The following CAGE1 variants were observed in gnomAD, a reference collection of about 807,000 sequenced individuals.
CAGE1 encodes the protein cancer antigen 1, also known as cancer-associated gene 1 protein.
Under a neutral mutation model 94.9 loss-of-function variants are expected in CAGE1, and 66 were observed. The observed-to-expected ratio is 0.70, with a 90% CI of 0.57 to 0.85. CAGE1 has a LOEUF of 0.85. Among genes scored for constraint, CAGE1 ranks in the 40% least tolerant of loss-of-function variants. The pLI is 0.00. For missense variants in CAGE1, 865 were observed against 950.4 expected (o/e 0.91, Z 1.18); for synonymous variants, 319 against 321.0 (o/e 0.99, Z 0.07).
chr6:7,341,885 C>CACT (rs1759191493), intron 11 of CAGE1: 2 of 688,458 alleles, frequency 2.9e-6, no homozygotes, highest in Non-Finnish European at 5.5e-6. Flanking sequence ...AACGGGTGCC[C>CACT]TCTCCAATCA....
At chr6:7,347,427 G>A (rs1166732084) in intron 11 of CAGE1, 2 of 150,130 alleles carry the variant, frequency 1.3e-5, no homozygotes, top group African/African-American at 4.9e-5. Context: ...AGGAAGCAGC[G>A]GGAAAGGCCC....
chr6:7,329,863 TC>T lies in CAGE1; in HGVS notation c.2463del (p.Lys822SerfsTer3). The T allele has an allele frequency of 6.8e-7, 1 of 1,460,288 alleles. No individual in the cohort carries two copies. The highest frequency in any genetic ancestry group is 9.5e-7 in the Non-Finnish European group (1 of 1,052,446). 90.5% of individuals were successfully genotyped at this position (1,460,288 alleles called of 1,614,324 possible). On this transcript the variant is annotated frameshift_variant, in exon 13 of 14. Transcript: ENST00000502583. LOFTEE classifies it high-confidence loss of function. ...KPRSKSLENHPKSMTMMPALF... is the reference protein window; with the variant it reads ...KPRSKSLENHXKSMTMMPALF... ...AGGTGACCTACCATGGTCATGGACT[TC>T]GGATGATTTTCTAAGCTTTTTGATC...
At chr6:7,334,116 A>T in intron 11 of CAGE1, 26 bp from the exon 12 acceptor site, 1 of 1,411,446 alleles carries the variant, frequency 7.1e-7, no homozygotes. Context: ...ATTGAATTTT[A>T]TGACTAAAAT....
At chr6:7,361,369 A>C (rs1433346785) in intron 9 of CAGE1, among the ~76,000 whole-genome samples, 4 of 152,230 alleles carry the variant, frequency 2.6e-5, no homozygotes, top group Admixed American at 2.0e-4. Context: ...CTTTCACATC[A>C]TGAACATGAT....
In CAGE1 at chr6:7,373,136, A is replaced by G. The variant is rs1448920106; in HGVS notation, c.1683T>C (p.Pro561=). Residue 561 remains proline, a synonymous_variant, in exon 5 of 14, where the codon CCT becomes CCC. Transcript: ENST00000502583. ...VARSEEQNYV[P]KFETAQLKDQ... ...CCTTTAACTGAGCTGTCTCAAATTTAGGGACATAATTTTGCTCTTCACTCC... is the reference window on the plus strand; with the variant it reads ...CCTTTAACTGAGCTGTCTCAAATTTGGGGACATAATTTTGCTCTTCACTCC... The G allele has an allele frequency of 1.2e-6, 2 of 1,613,246 alleles. No individual in the cohort carries two copies. The highest frequency in any genetic ancestry group is 1.7e-5 in the Admixed American group (1 of 59,826).
At chr6:7,337,296 C>G (rs902189703) in intron 11 of CAGE1, among the ~76,000 whole-genome samples, 2 of 143,136 alleles carry the variant, frequency 1.4e-5, no homozygotes, top group African/African-American at 5.2e-5. Flanking sequence ...CACTGCCCTC[C>G]AGCCTGGGTG....
chr6:7,386,836 A>C, intron 2 of CAGE1, 143 bp downstream of exon 2: 1 of 642,758 alleles, frequency 1.6e-6, no homozygotes, highest in Non-Finnish European at 2.6e-6. Context: ...AAACTGGGAA[A>C]ACCAGACCCT....
At chr6:7,377,013 T>C (rs977550483) in intron 4 of CAGE1, among the ~76,000 whole-genome samples, 2 of 152,248 alleles carry the variant, frequency 1.3e-5, no homozygotes, top group South Asian at 4.1e-4. Flanking sequence ...AGTAACTTTA[T>C]ATAACATGCT....
intron 9 of CAGE1, among the ~76,000 whole-genome samples, chr6:7,358,255 T>A (rs965834139): frequency 3.3e-5 from 5 of 151,582 alleles, no homozygotes; most frequent in African/African-American, 1.2e-4. Flanking sequence ...ACTTTGTATA[T>A]TCTAGAATGT....
chr6:7,350,837 T>C (rs1281151722), intron 11 of CAGE1, among the ~76,000 whole-genome samples: 1 of 152,016 alleles, frequency 6.6e-6, no homozygotes, highest in Admixed American at 6.6e-5. Context: ...CAGTCTAAGG[T>C]TACACCTCAA....
intron 12 of CAGE1, among the ~76,000 whole-genome samples, chr6:7,333,283 G>A (rs1358934631): frequency 6.6e-6 from 1 of 152,124 alleles, no homozygotes; most frequent in Non-Finnish European, 1.5e-5. Context: ...ACCACACAGG[G>A]TTTGCGCATA....
chr6:7,364,659 G>A lies in CAGE1; in HGVS notation c.2193+809C>T, dbSNP rs182284699. 5.3e-5 allele frequency among the ~76,000 whole-genome samples: 8 copies of A among 151,896 alleles called. No homozygotes were observed. In the East Asian group the frequency reaches 9.7e-4, roughly 18 times the overall value. ...AATTTTTTGTATTTTTAGTAGAGAC[G>A]GGGTTTCACCATCTTGGCCAGGGTG... On this transcript the variant is annotated intron_variant, in intron 9 of 13. Transcript: ENST00000502583.
rs145993922 is a variant in CAGE1, at chr6:7,385,166, C to T, written c.283+619G>A. On this transcript the variant is annotated intron_variant, in intron 3 of 13. Coordinates refer to ENST00000502583, the MANE Select transcript of CAGE1 (RefSeq NM_001170692.2). Reference sequence around the variant, plus strand: ...GATTACAGGCATGCACCACCACACTCAGCTAATTTTGTATTTTTACTGGAG... The same window carrying T: ...GATTACAGGCATGCACCACCACACTTAGCTAATTTTGTATTTTTACTGGAG... Among the ~76,000 whole-genome samples the T allele has an allele frequency of 2.7e-3, 405 of 152,088 alleles. 2 individuals carry two copies. The highest frequency in any genetic ancestry group is 9.3e-3 in the African/African-American group (386 of 41,494).
In CAGE1 at chr6:7,389,472, G is replaced by T. The variant is rs1274263809; in HGVS notation, c.-294C>A. On this transcript the variant is annotated 5_prime_UTR_variant, in exon 1 of 14. Transcript: ENST00000502583. ...GCCCGCGCCGGGGGAACTCCGCAGA[G>T]ACAGGTGCAGCCCGCGAGGCCCGAG... The T allele has an allele frequency of 2.6e-6, 1 of 391,684 alleles. No individual in the cohort carries two copies. The highest frequency in any genetic ancestry group is 2.1e-5 in the African/African-American group (1 of 47,862). 24.3% of individuals were successfully genotyped at this position (391,684 alleles called of 1,614,324 possible). A position where few individuals can be genotyped will look rare whatever the true frequency, so the allele number is the denominator to read the frequency against.
chr6:7,341,204 G>A, intron 11 of CAGE1: 3 of 650,704 alleles, frequency 4.6e-6, no homozygotes, highest in Non-Finnish European at 8.4e-6. Flanking sequence ...AGTTGACACA[G>A]CTTGTGCTAG....
At chr6:7,341,442 T>C (rs1003809209) in intron 11 of CAGE1, 75 of 995,176 alleles carry the variant, frequency 7.5e-5, no homozygotes, top group Non-Finnish European at 1.1e-4. Flanking sequence ...ATCTCATCTA[T>C]GATCACATGT....
At chr6:7,387,831 A>AAC (rs1019695316) in intron 1 of CAGE1, among the ~76,000 whole-genome samples, 2 of 149,014 alleles carry the variant, frequency 1.3e-5, no homozygotes, top group African/African-American at 2.5e-5. Context: ...CATCCTGGCT[A>AAC]ACACGGTGAA....
chr6:7,350,750 A>G (rs1375359500), intron 11 of CAGE1, among the ~76,000 whole-genome samples: 1 of 152,198 alleles, frequency 6.6e-6, no homozygotes, highest in East Asian at 1.9e-4. Flanking sequence ...CCTCTGGAGT[A>G]CAGCAAAGGT....
In CAGE1 at chr6:7,368,236, G is replaced by A. The variant is rs541127714; in HGVS notation, c.2004+452C>T. Among the ~76,000 whole-genome samples the A allele has an allele frequency of 9.2e-5, 11 of 118,942 alleles. No individual in the cohort carries two copies. The East Asian group carries it at 2.7e-3, about 29-fold the overall frequency. The allele number at this position is 118,942 out of a possible 152,430, so 78.0% of individuals were successfully genotyped here. ...CCACTGCACTCCAGCCTGAGCAACA[G>A]AGCAAGACTCTGTCTCAAAAAAAAA... On this transcript the variant is annotated intron_variant, in intron 7 of 13. Coordinates refer to ENST00000502583, the MANE Select transcript of CAGE1 (RefSeq NM_001170692.2).
Sources: allele counts gnomAD v4.1 joint callset (sites outside exome capture counted in the v4.1 genomes callset), GRCh38; gene constraint gnomAD v4.1.1; transcripts MANE v1.5; gene names NCBI Gene and HGNC (gene_info 2026-07-23, HGNC 2026-07-21).